Variants in ACOT12 observed in about 807,000 individuals in gnomAD.
The protein encoded by ACOT12 is acyl-CoA thioesterase 12.
ACOT12 carries 51 observed loss-of-function variants against 67.7 expected under a neutral mutation model. The observed-to-expected ratio is 0.75, with a 90% CI of 0.60 to 0.95. ACOT12 has a LOEUF of 0.95. Among genes scored for constraint, ACOT12 ranks in the 40% least tolerant of loss-of-function variants. The probability of loss-of-function intolerance (pLI) is 0.00; values close to 1 mark genes in which losing one functional copy is unlikely to be tolerated. For missense variants in ACOT12, 734 were observed against 708.1 expected (o/e 1.04, Z -0.41); for synonymous variants, 251 against 244.6 (o/e 1.03, Z -0.24).
At chr5:81,383,933 G>C (rs1760656649) in intron 2 of ACOT12, among the ~76,000 whole-genome samples, 1 of 151,930 alleles carries the variant, frequency 6.6e-6, no homozygotes. Context: ...CATAATTAAA[G>C]AAAGAAAAAT....
In ACOT12 at chr5:81,330,951, A is replaced by G; in HGVS notation, c.1392-11T>C. On this transcript the variant is annotated splice_polypyrimidine_tract_variant and intron_variant, in intron 13 of 14. Coordinates refer to ENST00000307624, the MANE Select transcript of ACOT12 (RefSeq NM_130767.3). The stretch of plus-strand genomic sequence containing the variant: ...ACTGTGTAAGTGTTACTGAAAGAAA[A>G]CACTTTCTAAGCTCTTGTGAGAAAT... 1 of 1,582,804 alleles carries G rather than the reference A, an allele frequency of 6.3e-7. No individual in the cohort carries two copies. Among genetic ancestry groups the G allele is most frequent in the Non-Finnish European group, 8.6e-7 (1 of 1,166,530 alleles).
At chr5:81,367,190 T>C (rs776399929) in intron 3 of ACOT12, among the ~76,000 whole-genome samples, 8 of 152,070 alleles carry the variant, frequency 5.3e-5, no homozygotes, top group Non-Finnish European at 1.0e-4. Flanking sequence ...TAAAGGAATA[T>C]CTTCAGACAG....
chr5:81,312,769 T>C, the ACOT12 span: 1 of 780,754 alleles, frequency 1.3e-6, no homozygotes, highest in Non-Finnish European at 2.1e-6. Flanking sequence ...ATGCTGTAGA[T>C]ATCAGTATGA....
chr5:81,324,644 C>T, the ACOT12 span, among the ~76,000 whole-genome samples: 2,288 of 152,132 alleles, frequency 0.015, 43 homozygotes, highest in African/African-American at 0.052. Context: ...TATTGAGAGG[C>T]CTGATGGAAC....
chr5:81,369,730 C>T (rs571342260), intron 3 of ACOT12, among the ~76,000 whole-genome samples: 3 of 152,196 alleles, frequency 2.0e-5, no homozygotes, highest in East Asian at 3.9e-4. Context: ...GAAATTCTAG[C>T]CTGTCTTAGG....
Position 81,331,816 on chromosome 5 carries a change from T to A in ACOT12, c.1391+661A>T, listed in dbSNP as rs1206804491. Among the ~76,000 whole-genome samples the A allele has an allele frequency of 4.6e-5, 7 of 152,374 alleles. No individual in the cohort carries two copies. In the East Asian group the frequency reaches 7.7e-4, roughly 17 times the overall value. ...ATTTGATTTTTCATTTAGCAATAAA[T>A]CTTTGAAGGTGTTTCTCTATCAGTC... On this transcript the variant is annotated intron_variant, in intron 13 of 14. Transcript: ENST00000307624.
chr5:81,360,178 G>A (rs1759861484), intron 4 of ACOT12, 140 bp from the exon 5 acceptor site: 1 of 756,908 alleles, frequency 1.3e-6, no homozygotes, highest in Non-Finnish European at 2.0e-6. Flanking sequence ...CACTAAACAT[G>A]TTATGACTAA....
At chr5:81,385,926 C>A in intron 1 of ACOT12, 100 bp from the exon 2 acceptor site, 1 of 1,093,912 alleles carries the variant, frequency 9.1e-7, no homozygotes, top group Non-Finnish European at 1.3e-6. Context: ...TTTTAGTCAC[C>A]CATCCCTCAT....
chr5:81,372,020 C>T (rs537816718), intron 2 of ACOT12, among the ~76,000 whole-genome samples: 3 of 152,166 alleles, frequency 2.0e-5, no homozygotes, highest in African/African-American at 7.2e-5. Context: ...ATGGTGTTAG[C>T]GGACCACCAA....
chr5:81,385,857 T>C, intron 1 of ACOT12, 31 bp from the exon 2 acceptor site: 1 of 1,594,900 alleles, frequency 6.3e-7, no homozygotes, highest in African/African-American at 1.3e-5. Flanking sequence ...TGTGCTGCTT[T>C]AGTGGTGATA....
At chr5:81,357,601 G>A (rs145791586) in intron 5 of ACOT12, among the ~76,000 whole-genome samples, 6 of 152,198 alleles carry the variant, frequency 3.9e-5, no homozygotes, top group Admixed American at 6.5e-5. Context: ...AGAGAGTTCC[G>A]GGCAAAAGGG....
intron 6 of ACOT12, among the ~76,000 whole-genome samples, chr5:81,347,510 C>G (rs11749621): frequency 0.13 from 19,450 of 152,162 alleles, 1,452 homozygotes; most frequent in Middle Eastern, 0.18. Context: ...TTCATAAGAT[C>G]AATATTCATA....
the ACOT12 span, among the ~76,000 whole-genome samples, chr5:81,316,643 A>G: frequency 6.6e-6 from 1 of 152,192 alleles, no homozygotes; most frequent in Non-Finnish European, 1.5e-5. Flanking sequence ...AATATTTTTC[A>G]AAGTGACTAT....
intron 5 of ACOT12, among the ~76,000 whole-genome samples, chr5:81,352,876 G>A (rs7729671): frequency 0.48 from 72,250 of 151,974 alleles, 18,291 homozygotes; most frequent in African/African-American, 0.65. Context: ...TGTACCCACA[G>A]AAATTGAAGT....
chr5:81,360,739 C>T (rs894738219), intron 4 of ACOT12, among the ~76,000 whole-genome samples: 1 of 152,192 alleles, frequency 6.6e-6, no homozygotes. Flanking sequence ...AAGTCTGGTA[C>T]GGACCCTTGG....
chr5:81,348,588 A>G (rs1759456365), intron 5 of ACOT12, among the ~76,000 whole-genome samples: 1 of 151,922 alleles, frequency 6.6e-6, no homozygotes, highest in African/African-American at 2.4e-5. Context: ...TTTTTTTTAG[A>G]CAGTCTCACT....
intron 4 of ACOT12, among the ~76,000 whole-genome samples, chr5:81,363,282 C>T (rs374988359): frequency 2.7e-4 from 41 of 152,148 alleles, no homozygotes; most frequent in Non-Finnish European, 4.7e-4. Flanking sequence ...AGTATCACTT[C>T]GGAGGGTGTT....
At chr5:81,368,165 A>T (rs1760139349) in intron 3 of ACOT12, among the ~76,000 whole-genome samples, 1 of 152,120 alleles carries the variant, frequency 6.6e-6, no homozygotes, top group South Asian at 2.1e-4. Context: ...GGTGGTGCAC[A>T]TGTGTAATCC....
chr5:81,366,927 C>T (rs372460573), intron 3 of ACOT12, among the ~76,000 whole-genome samples: 8 of 152,154 alleles, frequency 5.3e-5, no homozygotes, highest in East Asian at 1.9e-4. Flanking sequence ...AAGTCTAAAA[C>T]TCTATAAAGT....
Sources: gnomAD v4.1 joint callset for allele counts (sites outside exome capture counted in the v4.1 genomes callset) on GRCh38, gnomAD v4.1.1 for gene constraint, MANE v1.5 for transcripts, NCBI Gene and HGNC (gene_info 2026-07-23, HGNC 2026-07-21) for gene names.